Variants in BNC2 observed in about 807,000 individuals in gnomAD.
The protein encoded by BNC2 is basonuclin zinc finger protein 2.
A neutral mutation model predicts 76.3 loss-of-function variants in BNC2; 20 were observed. The ratio of observed to expected loss-of-function variants is 0.26; its 90% CI spans 0.18 to 0.38. The LOEUF (loss-of-function observed/expected upper bound fraction) is 0.38, where lower values mean the gene tolerates loss of function less well. Ranked by LOEUF, BNC2 falls within the 10% of genes least tolerant of loss-of-function variation. The pLI is 1.00. For synonymous variants in BNC2, 582 were observed against 514.8 expected (o/e 1.13, Z -1.77); for missense variants, 1,382 against 1,399.8 (o/e 0.99, Z 0.20).
intron 5 of BNC2, among the ~76,000 whole-genome samples, chr9:16,455,012 A>G (rs1821416868): frequency 6.6e-6 from 1 of 152,158 alleles, no homozygotes; most frequent in African/African-American, 2.4e-5. Context: ...ATCTCAGAAA[A>G]ACAAGTTGGA....
rs942687899 is a variant in BNC2, at chr9:16,417,119, CTTCTT to C, written c.*1865_*1869del. 5.3e-5 allele frequency: 8 copies of C among 151,730 alleles called. No homozygotes were observed. Among genetic ancestry groups the C allele is most frequent in the African/African-American group, 1.9e-4 (8 of 41,036 alleles). The allele number at this position is 151,730 out of a possible 1,614,324, so 9.4% of individuals were successfully genotyped here. On this transcript the variant is annotated 3_prime_UTR_variant, in exon 7 of 7. Coordinates refer to ENST00000380672, the MANE Select transcript of BNC2 (RefSeq NM_017637.6). ...TTGACAAAATATTCCTTGTTTATCT[CTTCTT>C]TTCCCCTCCACTTAAAAAAAAAGGA...
chr9:16,462,784 G>C (rs973087704), intron 5 of BNC2, among the ~76,000 whole-genome samples: 2 of 152,106 alleles, frequency 1.3e-5, no homozygotes, highest in Non-Finnish European at 2.9e-5. Flanking sequence ...CTTTGACAAA[G>C]AGATGCCCCT....
At chr9:16,748,680 T>C (rs1825082393) in intron 1 of BNC2, among the ~76,000 whole-genome samples, 1 of 150,748 alleles carries the variant, frequency 6.6e-6, no homozygotes, top group South Asian at 2.1e-4. Flanking sequence ...CCATCTCCAC[T>C]AAAAATACAA....
chr9:16,585,169 T>C (rs989674906), intron 3 of BNC2, among the ~76,000 whole-genome samples: 5 of 152,146 alleles, frequency 3.3e-5, no homozygotes, highest in African/African-American at 1.2e-4. Flanking sequence ...ATTACAGCCA[T>C]ATTTAAGACG....
At chr9:16,451,618 C>A (rs551677040) in intron 5 of BNC2, among the ~76,000 whole-genome samples, 1 of 152,256 alleles carries the variant, frequency 6.6e-6, no homozygotes, top group Admixed American at 6.5e-5. Context: ...TCTCACCTAC[C>A]TCTGCACCCC....
At chr9:16,542,570 A>T (rs959888770) in intron 5 of BNC2, among the ~76,000 whole-genome samples, 1 of 152,226 alleles carries the variant, frequency 6.6e-6, no homozygotes, top group African/African-American at 2.4e-5. Flanking sequence ...TATCGGCAAC[A>T]AATGCCAAGT....
chr9:16,723,694 A>G (rs1824234078), intron 3 of BNC2, among the ~76,000 whole-genome samples: 1 of 152,028 alleles, frequency 6.6e-6, no homozygotes, highest in Admixed American at 6.6e-5. Context: ...CTAGATTTTT[A>G]TATTAGTAAG....
intron 3 of BNC2, chr9:16,685,425 C>A (rs373914660): frequency 1.6e-5 from 8 of 491,746 alleles, no homozygotes; most frequent in East Asian, 1.4e-4. Context: ...ACACTGGTTC[C>A]TCTTTACACC....
rs761711333 is a variant in BNC2, at chr9:16,738,414, G to A, written c.75C>T (p.Asp25=). The A allele has an allele frequency of 1.9e-6, 3 of 1,613,976 alleles. No individual in the cohort carries two copies. The highest frequency in any genetic ancestry group is 2.5e-6 in the Non-Finnish European group (3 of 1,179,986). The change falls in exon 2 of 7, where the codon GAC becomes GAT. Residue 25 remains aspartate (D), a synonymous_variant. Transcript: ENST00000380672. ...YKSEDRLSEQ[D]WPAYFKVPCC... ...ATGGGACCTTGAAATATGCTGGCCA[G>A]TCTTGCTCACTAAGCCTGTCCTCTG...
At chr9:16,684,639 A>T (rs1822922764) in intron 3 of BNC2, among the ~76,000 whole-genome samples, 1 of 152,152 alleles carries the variant, frequency 6.6e-6, no homozygotes, top group African/African-American at 2.4e-5. Flanking sequence ...TAAGCCTGAA[A>T]ATTTAGAAAA....
At chr9:16,442,153 C>T (rs775803159) in intron 5 of BNC2, among the ~76,000 whole-genome samples, 3 of 152,048 alleles carry the variant, frequency 2.0e-5, no homozygotes, top group Non-Finnish European at 4.4e-5. Flanking sequence ...TAAGATTTAC[C>T]CTGTTAAGTT....
chr9:16,489,779 C>G (rs1218266179), intron 5 of BNC2, among the ~76,000 whole-genome samples: 1 of 152,152 alleles, frequency 6.6e-6, no homozygotes, highest in Non-Finnish European at 1.5e-5. Context: ...TAAAAAGTTT[C>G]TTACCCTCTA....
intron 1 of BNC2, among the ~76,000 whole-genome samples, chr9:16,749,848 CA>C (rs1177317344): frequency 1.3e-5 from 2 of 152,126 alleles, no homozygotes; most frequent in Admixed American, 6.5e-5. Context: ...AATTTCTGAA[CA>C]CAGTAGTTAA....
At position 16,698,034 on chromosome 9, in the gene BNC2, T is replaced by C. The variant is rs184604134; in HGVS notation, c.330+29763A>G. ...TAGGCAAACAAGCCTGTGGGCCAAA[T>C]GCTATCCTGCTGCCTACTTTTGTAA... On this transcript the variant is annotated intron_variant, in intron 3 of 6. Coordinates refer to ENST00000380672, the MANE Select transcript of BNC2 (RefSeq NM_017637.6). 2.6e-5 allele frequency among the ~76,000 whole-genome samples: 4 copies of C among 152,318 alleles called. No individual in the cohort carries two copies. In the East Asian group the frequency reaches 7.7e-4, roughly 29 times the overall value.
intron 6 of BNC2, among the ~76,000 whole-genome samples, chr9:16,427,187 T>G (rs940050699): frequency 6.6e-6 from 1 of 152,182 alleles, no homozygotes. Flanking sequence ...AGAGAAGAAA[T>G]CAGCAGCTCA....
At chr9:16,771,789 CAGAT>C (rs992507058) in intron 1 of BNC2, among the ~76,000 whole-genome samples, 1 of 152,198 alleles carries the variant, frequency 6.6e-6, no homozygotes, top group African/African-American at 2.4e-5. Context: ...TGCTAAATGA[CAGAT>C]AAACTCCGCC....
chr9:16,429,731 A>T (rs767078786), intron 6 of BNC2: 14 of 310,720 alleles, frequency 4.5e-5, no homozygotes, highest in Non-Finnish European at 8.4e-5. Context: ...AAATTTGTAA[A>T]AATCTCTTTG....
chr9:16,549,637 T>C (rs1251563848), intron 5 of BNC2, among the ~76,000 whole-genome samples: 2 of 152,228 alleles, frequency 1.3e-5, no homozygotes, highest in African/African-American at 4.8e-5. Context: ...TGGCCAATTA[T>C]CAAGTAACAT....
intron 6 of BNC2, among the ~76,000 whole-genome samples, chr9:16,427,556 C>T (rs1820826206): frequency 6.6e-6 from 1 of 152,204 alleles, no homozygotes; most frequent in Non-Finnish European, 1.5e-5. Flanking sequence ...TTCGTGTCTA[C>T]CATTGATTAA....
Sources: allele counts gnomAD v4.1 joint callset (sites outside exome capture counted in the v4.1 genomes callset), GRCh38; gene constraint gnomAD v4.1.1; transcripts MANE v1.5; gene names NCBI Gene and HGNC (gene_info 2026-07-23, HGNC 2026-07-21).